ZNF573: variants seen among roughly 807,000 people sequenced by gnomAD.
The protein encoded by ZNF573 is zinc finger protein 573.
Under a neutral mutation model 57.4 loss-of-function variants are expected in ZNF573, and 41 were observed. The observed-to-expected ratio is 0.71, with a 90% CI of 0.56 to 0.93. The LOEUF (loss-of-function observed/expected upper bound fraction) is 0.93, where lower values mean the gene tolerates loss of function less well. Ranked by LOEUF, ZNF573 falls within the 40% of genes least tolerant of loss-of-function variation. The pLI is 0.00. For synonymous variants in ZNF573, 249 were observed against 261.0 expected, an observed-to-expected ratio of 0.95 and a Z score of 0.44; for missense variants, 730 against 794.8, an observed-to-expected ratio of 0.92 and a Z score of 0.98.
intron 4 of ZNF573, among the ~76,000 whole-genome samples, chr19:37,766,288 A>G (rs1022980476): frequency 2.6e-5 from 4 of 152,186 alleles, no homozygotes; most frequent in Admixed American, 2.6e-4. Context: ...CTGAGAACCT[A>G]AACCATTCAC....
At chr19:37,771,530 C>G (rs771086672) in intron 3 of ZNF573, 34 bp downstream of exon 3, 6 of 1,598,594 alleles carry the variant, frequency 3.8e-6, no homozygotes, top group Non-Finnish European at 5.1e-6. Context: ...TATCACAGAT[C>G]ACATTTTAAA....
chr19:37,763,159 A>C (rs2045568727), intron 4 of ZNF573, among the ~76,000 whole-genome samples: 1 of 152,082 alleles, frequency 6.6e-6, no homozygotes, highest in South Asian at 2.1e-4. Flanking sequence ...ACCTGTGGAA[A>C]AGAGAGCTCC....
chr19:37,763,959 A>G (rs1164379479), intron 4 of ZNF573, among the ~76,000 whole-genome samples: 7 of 150,932 alleles, frequency 4.6e-5, no homozygotes. Context: ...GATACTCTGG[A>G]GGCTGAGGCA....
intron 4 of ZNF573, among the ~76,000 whole-genome samples, chr19:37,750,980 C>A (rs2045428869): frequency 6.6e-6 from 1 of 151,526 alleles, no homozygotes; most frequent in South Asian, 2.1e-4. Flanking sequence ...TTTGTGACTT[C>A]AAAACTTTTT....
In ZNF573 at chr19:37,771,692, T is replaced by C; in HGVS notation, c.74A>G (p.Gln25Arg). 2 of 1,592,826 alleles carry C rather than the reference T, an allele frequency of 1.3e-6. No homozygotes were observed. The highest frequency in any genetic ancestry group is 1.9e-5 in the Admixed American group (1 of 53,762). Residue 25 changes from glutamine to arginine, a missense_variant, in exon 3 of 5, where the codon CAG becomes CGG. Physicochemically the swap from Gln to Arg is conservative, Grantham distance 43. Coordinates refer to ENST00000536220, the MANE Select transcript of ZNF573 (RefSeq NM_001172690.2). The stretch of plus-strand genomic sequence containing the variant: ...CACATCCCTGAATGTCACTAATTCC[T>C]GAAACTGCAAACCCATGCATTACAA... ...SYNSKTMTCF[Q>R]ELVTFRDVAI...
intron 1 of ZNF573, 107 bp from the exon 2 acceptor site, chr19:37,773,858 T>C (rs1599709902): frequency 1.5e-6 from 1 of 662,620 alleles, no homozygotes; most frequent in East Asian, 2.9e-5. Flanking sequence ...ACTGAACATA[T>C]AACTTAGGGA....
At chr19:37,750,333 CT>C (rs1273798548) in intron 4 of ZNF573, among the ~76,000 whole-genome samples, 2 of 152,144 alleles carry the variant, frequency 1.3e-5, no homozygotes, top group Non-Finnish European at 2.9e-5. Flanking sequence ...ATCTGCCGGC[CT>C]AGGCCTCCCA....
chr19:37,768,700 C>G (rs2045624098), intron 4 of ZNF573, among the ~76,000 whole-genome samples: 1 of 152,092 alleles, frequency 6.6e-6, no homozygotes. Context: ...GAGTCTCTCT[C>G]AGTCGCCCAG....
chr19:37,756,838 C>G (rs1001711933), intron 4 of ZNF573, among the ~76,000 whole-genome samples: 1 of 151,692 alleles, frequency 6.6e-6, no homozygotes, highest in African/African-American at 2.4e-5. Context: ...TAATAAAATG[C>G]TACTATACAG....
intron 4 of ZNF573, among the ~76,000 whole-genome samples, chr19:37,766,040 CA>C (rs928796852): frequency 1.3e-4 from 18 of 141,322 alleles, no homozygotes; most frequent in Admixed American, 2.8e-4. Context: ...AACTCCATCT[CA>C]AAAAAAAAAG....
intron 4 of ZNF573, among the ~76,000 whole-genome samples, chr19:37,741,287 C>T (rs949316379): frequency 6.6e-6 from 1 of 152,160 alleles, no homozygotes; most frequent in Non-Finnish European, 1.5e-5. Flanking sequence ...ATCATCAAGA[C>T]AGAGTCTTGC....
At position 37,757,847 on chromosome 19, in the gene ZNF573, G is replaced by A. The variant is rs552380110; in HGVS notation, c.295+12158C>T. Among the ~76,000 whole-genome samples the A allele has an allele frequency of 3.0e-4, 45 of 152,102 alleles. 1 individual carries two copies. Among genetic ancestry groups the A allele is most frequent in the African/African-American group, 1.1e-3 (45 of 41,480 alleles). On this transcript the variant is annotated intron_variant, in intron 4 of 4. Coordinates refer to ENST00000536220, the MANE Select transcript of ZNF573 (RefSeq NM_001172690.2). ...GAAAATGTGGCACATATATACCATG[G>A]AATACTATGCAGTCATAAAAAATGA...
rs764039872 is a variant in ZNF573, at chr19:37,739,966, T to A, written c.524A>T (p.Tyr175Phe). Residue 175 changes from tyrosine to phenylalanine, a missense_variant, in exon 5 of 5, where the codon TAT becomes TTT. Transcript: ENST00000536220. ...KECGKNFRSG[Y>F]QLTLHQRFHT... ...AAATCTTTGATGTAGAGTAAGTTGA[T>A]AGCCACTACGAAAGTTCTTCCCACA... 1 of 1,614,110 alleles carries A rather than the reference T, an allele frequency of 6.2e-7. No individual in the cohort carries two copies. Among genetic ancestry groups the A allele is most frequent in the Non-Finnish European group, 8.5e-7 (1 of 1,179,998 alleles).
intron 4 of ZNF573, among the ~76,000 whole-genome samples, chr19:37,757,479 G>A (rs1322177437): frequency 6.6e-6 from 1 of 151,734 alleles, no homozygotes; most frequent in Non-Finnish European, 1.5e-5. Context: ...TTACAGGCGT[G>A]AGCTACCGCG....
intron 4 of ZNF573, 106 bp downstream of exon 4, chr19:37,769,899 A>C (rs773195380): frequency 2.2e-5 from 20 of 921,494 alleles, no homozygotes; most frequent in Non-Finnish European, 3.3e-5. Flanking sequence ...TTGCTCCACA[A>C]GTCTGGGTGC....
chr19:37,748,628 A>G (rs2045404173), intron 4 of ZNF573, among the ~76,000 whole-genome samples: 1 of 152,084 alleles, frequency 6.6e-6, no homozygotes, highest in Non-Finnish European at 1.5e-5. Flanking sequence ...GGTAACACCA[A>G]GATAAAAAGC....
intron 4 of ZNF573, among the ~76,000 whole-genome samples, chr19:37,769,727 G>GAAAAAAAAAAAAAAA (rs397944905): frequency 3.6e-5 from 2 of 55,210 alleles, no homozygotes; most frequent in Non-Finnish European, 6.9e-5. Context: ...CTCTGTCTCG[G>GAAAAAAAAAAAAAAA]AAAAAAAAAA....
At chr19:37,743,573 C>T (rs2045348831) in intron 4 of ZNF573, among the ~76,000 whole-genome samples, 1 of 152,120 alleles carries the variant, frequency 6.6e-6, no homozygotes, top group Non-Finnish European at 1.5e-5. Flanking sequence ...CTGTGGAAGA[C>T]AGTATGGCAA....
intron 4 of ZNF573, among the ~76,000 whole-genome samples, chr19:37,754,519 CAAA>C (rs11316334): frequency 1.9e-4 from 16 of 85,566 alleles, no homozygotes; most frequent in African/African-American, 5.8e-4. Context: ...GACTCCACCT[CAAA>C]AAAAAAAAAA....
Sources: allele counts gnomAD v4.1 joint callset (sites outside exome capture counted in the v4.1 genomes callset), GRCh38; gene constraint gnomAD v4.1.1; transcripts MANE v1.5; gene names NCBI Gene and HGNC (gene_info 2026-07-23, HGNC 2026-07-21).